The following EIF4E variants were observed in gnomAD, a reference collection of about 807,000 sequenced individuals.
The protein encoded by EIF4E is eIF-4F 25 kDa subunit.
For missense variants in EIF4E, 113 were observed against 265.6 expected (o/e 0.43, Z 3.99); for synonymous variants, 71 against 88.5 (o/e 0.80, Z 1.11).
chr4:98,904,378 C>G (rs1339976188), intron 1 of EIF4E, among the ~76,000 whole-genome samples: 1 of 152,166 alleles, frequency 6.6e-6, no homozygotes. Context: ...AGTTATCACT[C>G]AGGAAAAACA....
At chr4:98,911,808 C>T (rs1183398196) in intron 1 of EIF4E, among the ~76,000 whole-genome samples, 1 of 150,578 alleles carries the variant, frequency 6.6e-6, no homozygotes, top group Admixed American at 6.7e-5. Flanking sequence ...CTTAAGCCAA[C>T]ATCACAAATT....
chr4:98,887,086 A>C lies in EIF4E; in HGVS notation c.392T>G (p.Leu131Arg). ...QRRSDLDRFW[L>R]ETLLCLIGES... ...ATACTTTTAAAACCTTACTGTCTCTAGCCAAAAGCGATCGAGGTCACTTCG... is the reference window on the plus strand; with the variant it reads ...ATACTTTTAAAACCTTACTGTCTCTCGCCAAAAGCGATCGAGGTCACTTCG... The change falls in exon 5 of 7, where the codon CTA (leucine) becomes CGA (arginine). Residue 131 changes from leucine to arginine, a missense_variant. By Grantham distance (102) the Leu-to-Arg change is moderately radical. Transcript: ENST00000450253. This position sits in a 1 kb window ranked among gnomAD's most constrained non-coding sequence, Gnocchi z 4.0. 1 of 1,613,116 alleles carries C rather than the reference A, an allele frequency of 6.2e-7. No individual in the cohort carries two copies. The highest frequency in any genetic ancestry group is 8.5e-7 in the Non-Finnish European group (1 of 1,179,744).
chr4:98,896,357 G>A (rs1412589899), intron 2 of EIF4E, among the ~76,000 whole-genome samples: 3 of 150,980 alleles, frequency 2.0e-5, no homozygotes, highest in African/African-American at 2.4e-5. Context: ...GAGTGATAGA[G>A]CAAGACCCTG....
At chr4:98,897,461 C>T (rs1046785257) in intron 2 of EIF4E, among the ~76,000 whole-genome samples, 1 of 151,990 alleles carries the variant, frequency 6.6e-6, no homozygotes, top group African/African-American at 2.4e-5. Context: ...ATCCCAGCTA[C>T]TTGGGAGGCA....
intron 3 of EIF4E, among the ~76,000 whole-genome samples, chr4:98,888,361 T>C (rs1724010221): frequency 6.6e-6 from 1 of 152,094 alleles, no homozygotes; most frequent in Non-Finnish European, 1.5e-5. Context: ...CCAGAAACGA[T>C]GAACTTCCTG....
intron 2 of EIF4E, among the ~76,000 whole-genome samples, chr4:98,893,925 A>T (rs1209038639): frequency 6.6e-6 from 1 of 152,244 alleles, no homozygotes; most frequent in African/African-American, 2.4e-5. Flanking sequence ...ATAAATAATA[A>T]GGCTTGAAAG....
chr4:98,883,335 C>A lies in EIF4E; in HGVS notation c.539+1587G>T, dbSNP rs541001728. Reference sequence around the variant, plus strand: ...TTTGAAAAATCACAAAGGGGCAAACCAAACATTTTGACCACTGACTGACCA... The same window carrying A: ...TTTGAAAAATCACAAAGGGGCAAACAAAACATTTTGACCACTGACTGACCA... On this transcript the variant is annotated intron_variant, in intron 6 of 6. Coordinates refer to ENST00000450253, the MANE Select transcript of EIF4E (RefSeq NM_001968.5). Among the ~76,000 whole-genome samples, 945 of 149,986 alleles carry A rather than the reference C, an allele frequency of 6.3e-3. 7 individuals are homozygous for A. Among genetic ancestry groups the A allele is most frequent in the Non-Finnish European group, 9.1e-3 (615 of 67,630 alleles).
rs567481747 is a variant in EIF4E, at chr4:98,884,763, G to A, written c.539+159C>T. Among the ~76,000 whole-genome samples, 10 of 151,996 alleles carry A rather than the reference G, an allele frequency of 6.6e-5. No individual in the cohort carries two copies. In the East Asian group the frequency reaches 1.5e-3, roughly 23 times the overall value. On this transcript the variant is annotated intron_variant, in intron 6 of 6. Transcript: ENST00000450253. ...AAAACCCAAAAAAACAAGACGTTGC[G>A]CACCAATTGAGCCGTTCAAAATTAT...
intron 6 of EIF4E, 139 bp downstream of exon 6, chr4:98,884,783 A>C: frequency 8.4e-7 from 1 of 1,194,674 alleles, no homozygotes; most frequent in Non-Finnish European, 1.2e-6. Flanking sequence ...AGCCGTTCAA[A>C]ATTATAAAAG....
intron 1 of EIF4E, 95 bp from the exon 2 acceptor site, chr4:98,902,077 T>G: frequency 7.9e-7 from 1 of 1,260,246 alleles, no homozygotes; most frequent in Non-Finnish European, 1.1e-6. Flanking sequence ...GCTGATAATT[T>G]TTTTTTTTTG....
chr4:98,910,024 T>C (rs1436669332), intron 1 of EIF4E: 2 of 349,160 alleles, frequency 5.7e-6, no homozygotes, highest in Non-Finnish European at 1.0e-5. Context: ...TCTTACCACC[T>C]GTCTTGTAAG....
chr4:98,888,056 A>C (rs1029469431), intron 3 of EIF4E, 104 bp from the exon 4 acceptor site: 2 of 989,570 alleles, frequency 2.0e-6, no homozygotes, highest in Admixed American at 5.3e-5. Flanking sequence ...TAAACAGATA[A>C]AAGTTCATGT....
chr4:98,919,565 T>C (rs1008342731), intron 1 of EIF4E, among the ~76,000 whole-genome samples: 3 of 148,816 alleles, frequency 2.0e-5, no homozygotes, highest in African/African-American at 4.9e-5. Context: ...TTTCTTTTTT[T>C]TTTTTTTTTT....
At chr4:98,908,223 G>T (rs770211768) in intron 1 of EIF4E, among the ~76,000 whole-genome samples, 2 of 152,078 alleles carry the variant, frequency 1.3e-5, no homozygotes, top group Non-Finnish European at 2.9e-5. Flanking sequence ...GATATGAAAA[G>T]AGAAAGAACT....
In EIF4E at chr4:98,903,502, T is replaced by C. The variant is rs1363594872; in HGVS notation, c.19-1520A>G. On this transcript the variant is annotated intron_variant, in intron 1 of 6. Transcript: ENST00000450253. ...GACTACAGATAGGCACCATGATACCTGGCTAATTCTTTTTTATTTTTAGTA... is the reference window on the plus strand; with the variant it reads ...GACTACAGATAGGCACCATGATACCCGGCTAATTCTTTTTTATTTTTAGTA... The C allele has an allele frequency of 8.8e-6, 4 of 455,398 alleles. No individual in the cohort carries two copies. The East Asian group carries it at 2.8e-4, about 32-fold the overall frequency. The allele number at this position is 455,398 out of a possible 1,614,324, so 28.2% of individuals were successfully genotyped here.
chr4:98,908,062 T>C (rs1340117053), intron 1 of EIF4E, among the ~76,000 whole-genome samples: 1 of 152,170 alleles, frequency 6.6e-6, no homozygotes, highest in Non-Finnish European at 1.5e-5. Flanking sequence ...CATATCCCAG[T>C]AATATCTGAA....
intron 1 of EIF4E, among the ~76,000 whole-genome samples, chr4:98,904,749 C>G (rs1030128068): frequency 6.6e-6 from 1 of 152,036 alleles, no homozygotes; most frequent in South Asian, 2.1e-4. Context: ...CCAGCCTGGG[C>G]GACAAGAGCA....
chr4:98,892,635 T>C (rs939421119), intron 2 of EIF4E, among the ~76,000 whole-genome samples: 2 of 115,680 alleles, frequency 1.7e-5, no homozygotes, highest in African/African-American at 5.3e-5. Context: ...TGAGCCGAGA[T>C]TGTGCCACAG....
intron 6 of EIF4E, 145 bp from the exon 7 acceptor site, chr4:98,881,287 TC>T (rs1158242024): frequency 6.9e-5 from 98 of 1,410,814 alleles, no homozygotes; most frequent in Non-Finnish European, 8.9e-5. Flanking sequence ...TACACCCTTT[TC>T]CTTTCAGCAC....
Sources: gnomAD v4.1 joint callset for allele counts (sites outside exome capture counted in the v4.1 genomes callset) on GRCh38, gnomAD v4.1.1 for gene constraint, Gnocchi (gnomAD v3.1) non-coding constraint, MANE v1.5 for transcripts, NCBI Gene and HGNC (gene_info 2026-07-23, HGNC 2026-07-21) for gene names.